Variants in SMYD3 observed in about 807,000 individuals in gnomAD.
SMYD3 encodes the protein SET and MYND domain containing 3, also known as histone-lysine N-methyltransferase SMYD3.
In SMYD3, 36 loss-of-function variants were observed where a neutral mutation model predicts 57.7. The observed-to-expected ratio is 0.62, with a 90% confidence interval of 0.48 to 0.82. SMYD3 has a LOEUF of 0.82. Ranked by LOEUF, SMYD3 falls within the 40% of genes least tolerant of loss-of-function variation. The pLI, the probability that SMYD3 is intolerant of heterozygous loss-of-function variation, is 0.00. For synonymous variants in SMYD3, 211 were observed against 195.0 expected (o/e 1.08, Z -0.68); for missense variants, 515 against 538.8 (o/e 0.96, Z 0.44).
intron 5 of SMYD3, among the ~76,000 whole-genome samples, chr1:246,324,783 T>C (rs925116559): frequency 1.3e-5 from 2 of 151,480 alleles, no homozygotes; most frequent in South Asian, 4.2e-4. Flanking sequence ...ATTAATTTTA[T>C]ACCAGAGTAA....
rs567741340 is a variant in SMYD3 at position 245,982,783 on chromosome 1, G to A, written c.532-52846C>T. Among the ~76,000 whole-genome samples, 5 of 152,148 alleles carry A rather than the reference G, an allele frequency of 3.3e-5. No individual in the cohort carries two copies. In the East Asian group the frequency reaches 7.7e-4, roughly 23 times the overall value. On this transcript the variant is annotated intron_variant, in intron 5 of 11. Coordinates refer to ENST00000490107, the MANE Select transcript of SMYD3 (RefSeq NM_001167740.2). ...AGACAAGAATTGACTCACTGGGTTCGCTTTGAGGACTGTTATATTCCATTT... is the reference window on the plus strand; with the variant it reads ...AGACAAGAATTGACTCACTGGGTTCACTTTGAGGACTGTTATATTCCATTT...
At chr1:246,065,262 G>A in intron 5 of SMYD3, among the ~76,000 whole-genome samples, 1 of 152,200 alleles carries the variant, frequency 6.6e-6, no homozygotes, top group East Asian at 1.9e-4. Flanking sequence ...ATAAAGGAAT[G>A]CATACGTGCA....
At chr1:246,351,589 T>C (rs902329376) in intron 2 of SMYD3, among the ~76,000 whole-genome samples, 13 of 152,158 alleles carry the variant, frequency 8.5e-5, no homozygotes, top group Admixed American at 2.6e-4. Context: ...GACAAAAATA[T>C]TTTGACCAGT....
chr1:246,427,320 A>G (rs1326752450), intron 1 of SMYD3, among the ~76,000 whole-genome samples: 1 of 151,856 alleles, frequency 6.6e-6, no homozygotes, highest in Non-Finnish European at 1.5e-5. Context: ...GGAGATCGAG[A>G]CCATCCCGGC....
At chr1:245,949,914 G>GA (rs1238341930) in intron 5 of SMYD3, among the ~76,000 whole-genome samples, 41 of 145,478 alleles carry the variant, frequency 2.8e-4, no homozygotes, top group Admixed American at 1.0e-3. Context: ...CTATCTTCAG[G>GA]AAAAATCCTC....
chr1:246,468,894 T>C (rs1173893047), intron 1 of SMYD3, among the ~76,000 whole-genome samples: 1 of 152,154 alleles, frequency 6.6e-6, no homozygotes. Context: ...GAGGATCACC[T>C]AAGCCAAGGA....
At chr1:246,110,590 C>T (rs1438680678) in intron 5 of SMYD3, among the ~76,000 whole-genome samples, 1 of 152,220 alleles carries the variant, frequency 6.6e-6, no homozygotes, top group Non-Finnish European at 1.5e-5. Context: ...TGTGTCCTGG[C>T]TCCCCGCTGC....
At chr1:246,267,255 T>C (rs543065425) in intron 5 of SMYD3, among the ~76,000 whole-genome samples, 10 of 152,282 alleles carry the variant, frequency 6.6e-5, no homozygotes, top group Admixed American at 3.3e-4. Context: ...AGCCTAGATA[T>C]ATACAAAGCA....
chr1:246,345,180 T>C (rs2065693027), intron 2 of SMYD3, among the ~76,000 whole-genome samples: 1 of 152,228 alleles, frequency 6.6e-6, no homozygotes, highest in Non-Finnish European at 1.5e-5. Flanking sequence ...TCCTATGTTT[T>C]CTCGGTTTTA....
chr1:245,955,568 G>T (rs961029217), intron 5 of SMYD3, among the ~76,000 whole-genome samples: 1 of 152,036 alleles, frequency 6.6e-6, no homozygotes, highest in African/African-American at 2.4e-5. Context: ...CATCCAAATA[G>T]ATTTACCTGA....
intron 5 of SMYD3, among the ~76,000 whole-genome samples, chr1:246,004,026 A>C (rs995192221): frequency 1.2e-4 from 7 of 56,700 alleles, no homozygotes; most frequent in African/African-American, 2.3e-4. Flanking sequence ...CCTCGATTGG[A>C]ATTCGGGCAC....
intron 10 of SMYD3, among the ~76,000 whole-genome samples, chr1:245,827,977 A>T (rs189056006): frequency 6.6e-6 from 1 of 152,222 alleles, no homozygotes; most frequent in East Asian, 1.9e-4. Context: ...GTGGGCAGAC[A>T]CGAGGAAAGA....
chr1:246,292,673 T>TA (rs887329423), intron 5 of SMYD3, among the ~76,000 whole-genome samples: 5 of 152,048 alleles, frequency 3.3e-5, no homozygotes, highest in African/African-American at 1.2e-4. Flanking sequence ...TGTGACACAG[T>TA]AAAAGGAATG....
intron 5 of SMYD3, among the ~76,000 whole-genome samples, chr1:246,117,720 G>T (rs2061363307): frequency 6.6e-6 from 1 of 152,194 alleles, no homozygotes; most frequent in Non-Finnish European, 1.5e-5. Context: ...TACATGTGCA[G>T]GATGTGCAGG....
chr1:246,005,947 G>A (rs2059160422), intron 5 of SMYD3, among the ~76,000 whole-genome samples: 1 of 152,142 alleles, frequency 6.6e-6, no homozygotes, highest in African/African-American at 2.4e-5. Context: ...GCCTCCATAT[G>A]AGATGTGGAG....
chr1:246,495,192 AC>A (rs2068339152), intron 1 of SMYD3, among the ~76,000 whole-genome samples: 1 of 151,904 alleles, frequency 6.6e-6, no homozygotes. Context: ...TACTAAAAAT[AC>A]AAAAAATTAG....
chr1:245,983,164 A>AT (rs1399962435), intron 5 of SMYD3, among the ~76,000 whole-genome samples: 44 of 152,120 alleles, frequency 2.9e-4, no homozygotes, highest in Admixed American at 7.9e-4. Flanking sequence ...CCCTGGCCTT[A>AT]TTTTGTGGCA....
At chr1:246,485,265 A>C (rs531838689) in intron 1 of SMYD3, among the ~76,000 whole-genome samples, 50 of 152,178 alleles carry the variant, frequency 3.3e-4, no homozygotes, top group Admixed American at 7.2e-4. Context: ...CAAAATACCT[A>C]AACTACTGCA....
intron 5 of SMYD3, among the ~76,000 whole-genome samples, chr1:245,950,810 G>A (rs1040779638): frequency 6.6e-6 from 1 of 152,150 alleles, no homozygotes; most frequent in Non-Finnish European, 1.5e-5. Context: ...ATTTCCCTTG[G>A]CACAGAGTTT....
Sources: gnomAD v4.1 joint callset for allele counts (sites outside exome capture counted in the v4.1 genomes callset) on GRCh38, gnomAD v4.1.1 for gene constraint, MANE v1.5 for transcripts, NCBI Gene and HGNC (gene_info 2026-07-23, HGNC 2026-07-21) for gene names.